The following ZNF727 variants were observed in gnomAD, a reference collection of about 807,000 sequenced individuals.
ZNF727 encodes putative zinc finger protein 727.
ZNF727 carries 11 observed loss-of-function variants against 11.5 expected under a neutral mutation model. The observed-to-expected ratio is 0.95, with a 90% CI of 0.60 to 1.58. The LOEUF (loss-of-function observed/expected upper bound fraction) is 1.58. Among genes scored for constraint, ZNF727 ranks in the 40% most tolerant of loss-of-function variants. The pLI is 0.00. For missense variants in ZNF727, 533 were observed against 581.7 expected, an observed-to-expected ratio of 0.92 and a Z score of 0.86; for synonymous variants, 171 against 196.1, an observed-to-expected ratio of 0.87 and a Z score of 1.07.
chr7:64,059,619 TA>T (rs1249018143), intron 1 of ZNF727, among the ~76,000 whole-genome samples: 1 of 152,210 alleles, frequency 6.6e-6, no homozygotes, highest in Non-Finnish European at 1.5e-5. Context: ...ACTTCCTGAC[TA>T]AACCCTCTTT....
At position 64,051,956 on chromosome 7, in the gene ZNF727, C is replaced by T. The variant is rs143064554; in HGVS notation, c.3+6332C>T. 6.5e-3 allele frequency among the ~76,000 whole-genome samples: 995 copies of T among 152,194 alleles called. 11 individuals are homozygous for T. Among genetic ancestry groups the T allele is most frequent in the Middle Eastern group, 0.017 (5 of 294 alleles). On this transcript the variant is annotated intron_variant, in intron 1 of 3. Transcript: ENST00000456806. ...ATTTTGGGGTCATCTGAAGTCATGTCGGTCCATTTACCCAGGCATTTGCAA... is the reference window on the plus strand; with the variant it reads ...ATTTTGGGGTCATCTGAAGTCATGTTGGTCCATTTACCCAGGCATTTGCAA...
chr7:64,059,823 T>C (rs1399681729), intron 1 of ZNF727, among the ~76,000 whole-genome samples: 1 of 152,212 alleles, frequency 6.6e-6, no homozygotes, highest in Non-Finnish European at 1.5e-5. Context: ...TTAAAAATAA[T>C]TTTAGAAAAT....
chr7:64,049,188 T>A (rs1789553815), intron 1 of ZNF727, among the ~76,000 whole-genome samples: 1 of 152,158 alleles, frequency 6.6e-6, no homozygotes, highest in East Asian at 1.9e-4. Flanking sequence ...ACAGATGTAT[T>A]CAGTCTCAGT....
At position 64,084,700 on chromosome 7, in the gene ZNF727, G is replaced by T. The variant is rs1241155499; in HGVS notation, c.*6151G>T. Among the ~76,000 whole-genome samples, 1 of 152,122 alleles carries T rather than the reference G, an allele frequency of 6.6e-6. No individual in the cohort carries two copies. Among genetic ancestry groups the T allele is most frequent in the Admixed American group, 6.5e-5 (1 of 15,274 alleles). ...TCCTACTTTTTTCTGTTGAAAATAT[G>T]ACTTCTCTCGTCTGCTAAACACGTA... On this transcript the variant is annotated 3_prime_UTR_variant, in exon 4 of 4. Transcript: ENST00000456806.
chr7:64,081,547 G>A lies in ZNF727; in HGVS notation c.*2998G>A, dbSNP rs1785793483. Among the ~76,000 whole-genome samples, 1 of 152,118 alleles carries A rather than the reference G, an allele frequency of 6.6e-6. No homozygotes were observed. The highest frequency in any genetic ancestry group is 1.5e-5 in the Non-Finnish European group (1 of 68,016). On this transcript the variant is annotated 3_prime_UTR_variant, in exon 4 of 4. Coordinates refer to ENST00000456806, the MANE Select transcript of ZNF727 (RefSeq NM_001159522.3). ...ATAGGGAAGAAACATGTGAGCTGGT[G>A]CAGTCACAGGGGCTGCCTTGCCGGA...
At chr7:64,049,364 C>T (rs968789805) in intron 1 of ZNF727, among the ~76,000 whole-genome samples, 2 of 151,844 alleles carry the variant, frequency 1.3e-5, no homozygotes, top group Admixed American at 1.3e-4. Context: ...AGCAAGATTG[C>T]CTTCTCTTTA....
intron 1 of ZNF727, among the ~76,000 whole-genome samples, chr7:64,051,222 A>C (rs1321677383): frequency 6.6e-6 from 1 of 152,230 alleles, no homozygotes; most frequent in East Asian, 1.9e-4. Flanking sequence ...ACTAGTGACT[A>C]AAAACCAACA....
At chr7:64,051,447 G>T (rs1010794058) in intron 1 of ZNF727, among the ~76,000 whole-genome samples, 9 of 152,128 alleles carry the variant, frequency 5.9e-5, no homozygotes, top group African/African-American at 2.2e-4. Context: ...TTAAGAAATG[G>T]TTGGTAAAAC....
intron 1 of ZNF727, among the ~76,000 whole-genome samples, chr7:64,050,804 GTGTGTGTGTA>G (rs747424417): frequency 6.6e-6 from 1 of 151,678 alleles, no homozygotes; most frequent in African/African-American, 2.4e-5. Flanking sequence ...GTGTGTGTGT[GTGTGTGTGTA>G]TGTATGTATA....
rs149171419 is a variant in ZNF727, at chr7:64,070,496, C to T, written c.226+887C>T. On this transcript the variant is annotated intron_variant, in intron 3 of 3. Transcript: ENST00000456806. ...TGACAGAGACATATAATACCAGTAA[C>T]GTCAATTTTTTCACAAATAATAATT... Among the ~76,000 whole-genome samples, 89 of 151,658 alleles carry T rather than the reference C, an allele frequency of 5.9e-4. No homozygotes were observed. The East Asian group carries it at 9.9e-3, about 17-fold the overall frequency.
intron 1 of ZNF727, among the ~76,000 whole-genome samples, chr7:64,062,032 CGTTTCT>C (rs1411851700): frequency 8.1e-5 from 7 of 86,504 alleles, no homozygotes; most frequent in Admixed American, 4.8e-4. Context: ...AACATTTTGT[CGTTTCT>C]ATTTATATCT....
At chr7:64,046,067 G>C (rs10949863) in intron 1 of ZNF727, among the ~76,000 whole-genome samples, 122 of 152,056 alleles carry the variant, frequency 8.0e-4, no homozygotes, top group African/African-American at 2.7e-3. Flanking sequence ...CCAGGCTAAA[G>C]TGCAGTGGCA....
At chr7:64,073,549 G>T (rs1789996261) in intron 3 of ZNF727, among the ~76,000 whole-genome samples, 1 of 151,810 alleles carries the variant, frequency 6.6e-6, no homozygotes, top group African/African-American at 2.4e-5. Flanking sequence ...CTTAAGGATT[G>T]AGTTTTGGAA....
rs10273363 is a variant in ZNF727, at chr7:64,073,892, A to C, written c.227-3384A>C. 6.1e-3 allele frequency among the ~76,000 whole-genome samples: 925 copies of C among 152,292 alleles called. 12 individuals are homozygous for C. Among genetic ancestry groups the C allele is most frequent in the African/African-American group, 0.021 (857 of 41,568 alleles). On this transcript the variant is annotated intron_variant, in intron 3 of 3. Coordinates refer to ENST00000456806, the MANE Select transcript of ZNF727 (RefSeq NM_001159522.3). ...ACCTTTCTTCTAGCACATACAAACT[A>C]TAATTCTCATTACTCCATCATTTTC...
intron 3 of ZNF727, 23 bp from the exon 4 acceptor site, chr7:64,077,253 T>G: frequency 6.9e-7 from 1 of 1,441,674 alleles, no homozygotes; most frequent in Non-Finnish European, 9.1e-7. Flanking sequence ...GGAGAAATTT[T>G]GTGGTTCTTT....
At chr7:64,059,782 C>T (rs781421661) in intron 1 of ZNF727, among the ~76,000 whole-genome samples, 2 of 152,136 alleles carry the variant, frequency 1.3e-5, no homozygotes, top group Non-Finnish European at 2.9e-5. Flanking sequence ...AATTATCCAA[C>T]TTGAAGATAA....
intron 1 of ZNF727, among the ~76,000 whole-genome samples, chr7:64,063,731 G>A (rs1239062240): frequency 6.6e-6 from 1 of 152,000 alleles, no homozygotes; most frequent in East Asian, 1.9e-4. Flanking sequence ...TACCCACCCT[G>A]GGCTGGGGGT....
At position 64,077,524 on chromosome 7, in the gene ZNF727, A is replaced by G. The variant is rs1005506776; in HGVS notation, c.475A>G (p.Ile159Val). ...KCGKAFGLCSIFTEHKKIFSR... is the reference protein window; with the variant it reads ...KCGKAFGLCSVFTEHKKIFSR... ...TGGCAAAGCTTTTGGGTTGTGCTCA[A>G]TCTTCACTGAACATAAGAAAATTTT... Residue 159 changes from isoleucine (I) to valine (V), a missense_variant, in exon 4 of 4, where the codon ATC becomes GTC. Physicochemically the swap from Ile to Val is conservative, Grantham distance 29 (BLOSUM62 3). Coordinates refer to ENST00000456806, the MANE Select transcript of ZNF727 (RefSeq NM_001159522.3). The G allele has an allele frequency of 1.6e-5, 25 of 1,551,366 alleles. No homozygotes were observed. Among genetic ancestry groups the G allele is most frequent in the African/African-American group, 2.7e-5 (2 of 73,050 alleles).
intron 3 of ZNF727, among the ~76,000 whole-genome samples, chr7:64,075,851 A>G (rs1584156245): frequency 1.3e-5 from 2 of 152,144 alleles, no homozygotes; most frequent in South Asian, 4.1e-4. Flanking sequence ...AATGTAACAG[A>G]CCTAGCCATG....
Sources: allele counts gnomAD v4.1 joint callset (sites outside exome capture counted in the v4.1 genomes callset), GRCh38; gene constraint gnomAD v4.1.1; transcripts MANE v1.5; gene names NCBI Gene and HGNC (gene_info 2026-07-23, HGNC 2026-07-21).